Variants in SHROOM2 observed in about 807,000 individuals in gnomAD.
The protein encoded by SHROOM2 is shroom family member 2.
In SHROOM2, 33 loss-of-function variants were observed where a neutral mutation model predicts 75.9. That is an observed-to-expected ratio of 0.43 (90% CI 0.33 to 0.58). The LOEUF is 0.58. Among genes scored for constraint, SHROOM2 ranks in the 20% least tolerant of loss-of-function variants. SHROOM2 has a pLI of 0.04. For missense variants in SHROOM2, 1,434 were observed against 1,461.2 expected (o/e 0.98, Z 0.30); for synonymous variants, 655 against 663.6 (o/e 0.99, Z 0.20).
intron 1 of SHROOM2, among the ~76,000 whole-genome samples, chrX:9,807,454 A>G (rs1378994113): frequency 8.9e-6 from 1 of 111,789 alleles, no homozygotes; most frequent in Non-Finnish European, 1.9e-5. Flanking sequence ...GCCCTGGGAG[A>G]CAGGAACAGG....
At chrX:9,822,856 G>A (rs558933625) in intron 1 of SHROOM2, among the ~76,000 whole-genome samples, 7 of 112,184 alleles carry the variant, frequency 6.2e-5, no homozygotes, top group South Asian at 3.7e-4. Flanking sequence ...CCTCCCTGGG[G>A]CTCTGTCCCT....
intron 1 of SHROOM2, among the ~76,000 whole-genome samples, chrX:9,792,454 G>GTTTTTT (rs34640554): frequency 2.0e-5 from 2 of 98,239 alleles, no homozygotes; most frequent in African/African-American, 3.6e-5. Flanking sequence ...GTTTTTTTGT[G>GTTTTTT]TTGTTTTTTT....
intron 1 of SHROOM2, among the ~76,000 whole-genome samples, chrX:9,841,936 T>C (rs976569613): frequency 1.8e-5 from 2 of 111,701 alleles, no homozygotes; most frequent in East Asian, 5.6e-4. Flanking sequence ...AGTACATGCC[T>C]GTAGTCCCAG....
chrX:9,914,682 C>G (rs1311131557), intron 5 of SHROOM2, among the ~76,000 whole-genome samples: 3 of 111,905 alleles, frequency 2.7e-5, no homozygotes, highest in Non-Finnish European at 3.8e-5. Context: ...TGAAAGTTCA[C>G]AGTGCCTCTT....
At chrX:9,798,941 G>A (rs1601911431) in intron 1 of SHROOM2, among the ~76,000 whole-genome samples, 3 of 110,920 alleles carry the variant, frequency 2.7e-5, no homozygotes, top group South Asian at 3.8e-4. Flanking sequence ...TTGATTTAAC[G>A]ACAGAGCTCT....
chrX:9,861,031 G>A (rs899968080), intron 1 of SHROOM2, among the ~76,000 whole-genome samples: 2 of 112,189 alleles, frequency 1.8e-5, no homozygotes, highest in African/African-American at 6.5e-5. Context: ...AGAGGCAATG[G>A]GGGATTGTTC....
intron 2 of SHROOM2, among the ~76,000 whole-genome samples, chrX:9,875,808 T>C (rs2084197934): frequency 8.8e-6 from 1 of 113,053 alleles, no homozygotes; most frequent in African/African-American, 3.2e-5. Flanking sequence ...TACATTTGCA[T>C]TTCCGTAGTT....
chrX:9,811,998 C>A (rs1040366922), intron 1 of SHROOM2, among the ~76,000 whole-genome samples: 4 of 111,891 alleles, frequency 3.6e-5, no homozygotes, highest in African/African-American at 1.3e-4. Flanking sequence ...GCACACCCAG[C>A]TTTATGGCTA....
Position 9,947,336 on chromosome X carries a change from G to A in SHROOM2, c.*399G>A. ...AGCGCGTCATGACGTGCATGAGAGG[G>A]GGACCCTGGTGCTCATCTTCTCTTG... On this transcript the variant is annotated 3_prime_UTR_variant, in exon 10 of 10. Coordinates refer to ENST00000380913, the MANE Select transcript of SHROOM2 (RefSeq NM_001649.4). The A allele has an allele frequency of 6.2e-6, 1 of 161,006 alleles. No individual in the cohort carries two copies. Among genetic ancestry groups the A allele is most frequent in the Middle Eastern group, 2.7e-3 (1 of 374 alleles). 13.3% of individuals were successfully genotyped at this position (161,006 alleles called of 1,213,427 possible). A position where few individuals can be genotyped will look rare whatever the true frequency, so the allele number is the denominator to read the frequency against.
chrX:9,786,643 G>T lies in SHROOM2; in HGVS notation c.98G>T (p.Gly33Val). ...GGRLVEVQLS[G>V]GAPWGFTLKG... Reference sequence around the variant, plus strand: ...CGCCTGGTGGAGGTGCAGCTGAGCGGCGGCGCCCCGTGGGGCTTCACCCTG... The same window carrying T: ...CGCCTGGTGGAGGTGCAGCTGAGCGTCGGCGCCCCGTGGGGCTTCACCCTG... Residue 33 changes from glycine to valine, a missense_variant, in exon 1 of 10, where the codon GGC becomes GTC. By Grantham distance (109) the Gly-to-Val change is moderately radical (BLOSUM62 -3). Transcript: ENST00000380913. 1.1e-6 allele frequency: 1 copy of T among 886,129 alleles called. No homozygotes were observed. The allele number at this position is 886,129 out of a possible 1,213,427, so 73.0% of individuals were successfully genotyped here. A position where few individuals can be genotyped will look rare whatever the true frequency, so the allele number is the denominator to read the frequency against.
chrX:9,812,693 T>C (rs5979182), intron 1 of SHROOM2, among the ~76,000 whole-genome samples: 7,356 of 111,795 alleles, frequency 0.066, 559 homozygotes, highest in African/African-American at 0.22. Flanking sequence ...AGTGGACCAG[T>C]GTGATGTCTT....
At position 9,932,548 on chromosome X, in the gene SHROOM2, G is replaced by A. The variant is rs761979111; in HGVS notation, c.3265G>A (p.Val1089Ile). 2.5e-6 allele frequency: 3 copies of A among 1,211,260 alleles called. No homozygotes were observed. The highest frequency in any genetic ancestry group is 3.4e-6 in the Non-Finnish European group (3 of 895,328). ...CGCACCTGCTGACGCCCCCGTGGGC[G>A]TCCTCGGCAGGCCCTTCCCAACGCC... ...DGAPADAPVG[V>I]LGRPFPTPSP... is the part of the protein sequence containing the mutation. The change falls in exon 6 of 10, where the codon GTC becomes ATC. Residue 1089 changes from valine to isoleucine, a missense_variant. Transcript: ENST00000380913.
At chrX:9,881,876 A>G (rs2084233246) in intron 2 of SHROOM2, among the ~76,000 whole-genome samples, 2 of 112,289 alleles carry the variant, frequency 1.8e-5, no homozygotes, top group African/African-American at 3.2e-5. Context: ...TTGTTTTTCT[A>G]TGAAGAGTAT....
chrX:9,835,489 A>G (rs1194581985), intron 1 of SHROOM2, among the ~76,000 whole-genome samples: 1 of 112,463 alleles, frequency 8.9e-6, no homozygotes, highest in African/African-American at 3.2e-5. Context: ...GTTAATTCTT[A>G]TGCCATCTTA....
chrX:9,868,321 C>T (rs2084152103), intron 1 of SHROOM2, among the ~76,000 whole-genome samples: 1 of 109,964 alleles, frequency 9.1e-6, no homozygotes, highest in Non-Finnish European at 1.9e-5. Context: ...TCTCAGCCCA[C>T]TGCAACCTCC....
At chrX:9,916,086 A>T (rs1391945343) in intron 5 of SHROOM2, among the ~76,000 whole-genome samples, 1 of 112,325 alleles carries the variant, frequency 8.9e-6, no homozygotes, top group Non-Finnish European at 1.9e-5. Flanking sequence ...AGTTTTTATT[A>T]ACATTTCCTA....
intron 5 of SHROOM2, among the ~76,000 whole-genome samples, chrX:9,915,047 G>C (rs1005881602): frequency 3.6e-5 from 4 of 112,234 alleles, no homozygotes; most frequent in Non-Finnish European, 7.5e-5. Context: ...GCCTGCGTTG[G>C]TGTGGCTTGC....
At chrX:9,860,002 T>C (rs1462104004) in intron 1 of SHROOM2, among the ~76,000 whole-genome samples, 1 of 111,984 alleles carries the variant, frequency 8.9e-6, no homozygotes, top group African/African-American at 3.2e-5. Flanking sequence ...ACATGAGCCA[T>C]GGGTGACCAT....
rs1195681976 is a variant in SHROOM2 at position 9,947,316 on chromosome X, G to A, written c.*379G>A. On this transcript the variant is annotated 3_prime_UTR_variant, in exon 10 of 10. Coordinates refer to ENST00000380913, the MANE Select transcript of SHROOM2 (RefSeq NM_001649.4). ...CAACTGCTTGGACAGCAGCCAGCGC[G>A]TCATGACGTGCATGAGAGGGGGACC... 3 of 185,982 alleles carry A rather than the reference G, an allele frequency of 1.6e-5. No individual in the cohort carries two copies. Among genetic ancestry groups the A allele is most frequent in the Admixed American group, 7.1e-5 (1 of 14,027 alleles). 15.3% of individuals were successfully genotyped at this position (185,982 alleles called of 1,213,427 possible).
Sources: gnomAD v4.1 joint callset for allele counts (sites outside exome capture counted in the v4.1 genomes callset) on GRCh38, gnomAD v4.1.1 for gene constraint, MANE v1.5 for transcripts, NCBI Gene and HGNC (gene_info 2026-07-23, HGNC 2026-07-21) for gene names.